Variants in SLC28A2 observed in about 807,000 individuals in gnomAD.
The protein encoded by SLC28A2 is sodium/nucleoside cotransporter 2.
SLC28A2 carries 69 observed loss-of-function variants against 72.9 expected under a neutral mutation model. The ratio of observed to expected loss-of-function variants is 0.95; its 90% CI spans 0.78 to 1.16. SLC28A2 has a LOEUF of 1.16. SLC28A2 is among the 50% of genes most tolerant of loss of function. The pLI, the probability that SLC28A2 is intolerant of heterozygous loss-of-function variation, is 0.00. For missense variants in SLC28A2, 745 were observed against 791.1 expected (o/e 0.94, Z 0.70); for synonymous variants, 296 against 294.1 (o/e 1.01, Z -0.07).
chr15:45,275,965 T>C lies in SLC28A2; in HGVS notation c.*452T>C, dbSNP rs1052957702. ...AAAAAAAAAAAAAAAAGATTCATTT[T>C]GGTTCGCTGTATCCCAATAACGAAA... On this transcript the variant is annotated 3_prime_UTR_variant, in exon 18 of 18. Coordinates refer to ENST00000347644, the MANE Select transcript of SLC28A2 (RefSeq NM_004212.4). The C allele has an allele frequency of 1.9e-4, 29 of 151,858 alleles. No individual in the cohort carries two copies. The highest frequency in any genetic ancestry group is 7.0e-4 in the African/African-American group (29 of 41,188). 9.4% of individuals were successfully genotyped at this position (151,858 alleles called of 1,614,324 possible).
chr15:45,267,328 C>A, intron 10 of SLC28A2, 127 bp from the exon 11 acceptor site: 1 of 997,466 alleles, frequency 1.0e-6, no homozygotes. Context: ...GAAGCTGTGG[C>A]TCACTTAACA....
chr15:45,265,154 C>A lies in SLC28A2; in HGVS notation c.768C>A (p.Val256=). 1 of 1,606,606 alleles carries A rather than the reference C, an allele frequency of 6.2e-7. No homozygotes were observed. Reference sequence around the variant, plus strand: ...TTGGGGATACACTGGTCAAGGATGTCTTTGCTTTTCAGGTGATACCTATTT... The same window carrying A: ...TTGGGGATACACTGGTCAAGGATGTATTTGCTTTTCAGGTGATACCTATTT... ...FVFGDTLVKD[V]FAFQALPIII... Residue 256 remains valine (V), a synonymous_variant, in exon 8 of 18, where the codon GTC becomes GTA. Transcript: ENST00000347644.
rs145610391 is a variant in SLC28A2, at chr15:45,257,603, T to G, written c.170+4083T>G. 3.3e-4 allele frequency among the ~76,000 whole-genome samples: 50 copies of G among 152,328 alleles called. 1 individual carries two copies. The East Asian group carries it at 9.4e-3, about 29-fold the overall frequency. On this transcript the variant is annotated intron_variant, in intron 3 of 17. Transcript: ENST00000347644. ...AATTCTGTTTTGTTTCTGTATTGAT[T>G]TTTAAGTATTTATTTCTTTTTCTTC... is the stretch of plus-strand genomic sequence containing the variant.
Position 45,268,361 on chromosome 15 carries a change from C to T in SLC28A2, c.1351C>T (p.Gln451Ter), listed in dbSNP as rs1050458994. The change falls in exon 13 of 18, where the codon CAG (glutamine) becomes TAG (stop). Residue 451 changes from glutamine to a stop codon, truncating the protein, a stop_gained. Coordinates refer to ENST00000347644, the MANE Select transcript of SLC28A2 (RefSeq NM_004212.4). LOFTEE classifies it high-confidence loss of function. ...CTGGCTGGGGGAATTGGTGGACATA[C>T]AGGGGCTCACTTTCCAGGTAAAGGA... Reference protein sequence around the residue: ...LSWLGELVDIQGLTFQVICSY... With the variant: ...LSWLGELVDI 3 of 1,593,488 alleles carry T rather than the reference C, an allele frequency of 1.9e-6. No individual in the cohort carries two copies. Among genetic ancestry groups the T allele is most frequent in the Admixed American group, 1.7e-5 (1 of 59,544 alleles).
At position 45,253,201 on chromosome 15, in the gene SLC28A2, TGAG is replaced by T. The variant is rs1899852881; in HGVS notation, c.-11_-9del. On this transcript the variant is annotated splice_region_variant and 5_prime_UTR_variant, in exon 2 of 18. Transcript: ENST00000347644. ...CTTGGCCCTGAATTTGTTTTTCAGT[TGAG>T]GAGAACAGGAGATGGAGAAAGCAAG... 1.9e-6 allele frequency: 3 copies of T among 1,603,362 alleles called. No individual in the cohort carries two copies. The highest frequency in any genetic ancestry group is 1.6e-4 in the Middle Eastern group (1 of 6,064).
rs755880149 is a variant in SLC28A2, at chr15:45,275,393, C to T, written c.1860-3C>T. The stretch of plus-strand genomic sequence containing the variant: ...TATGTACCTCTCTGGTTTTTCACTG[C>T]AGTACTTCTCTGAATGGCACCAACC... On this transcript the variant is annotated splice_polypyrimidine_tract_variant and splice_region_variant and intron_variant, in intron 17 of 17. Coordinates refer to ENST00000347644, the MANE Select transcript of SLC28A2 (RefSeq NM_004212.4). 1 of 1,577,718 alleles carries T rather than the reference C, an allele frequency of 6.3e-7. No homozygotes were observed. The highest frequency in any genetic ancestry group is 8.7e-7 in the Non-Finnish European group (1 of 1,147,224).
At chr15:45,268,097 T>C in intron 12 of SLC28A2, 113 bp from the exon 13 acceptor site, 1 of 1,000,128 alleles carries the variant, frequency 1.0e-6, no homozygotes, top group East Asian at 2.5e-5. Flanking sequence ...TGTCACCTTC[T>C]ACATTGGCCT....
At chr15:45,272,824 C>T (rs772107377) in intron 17 of SLC28A2, 40 bp downstream of exon 17, 1 of 1,034,464 alleles carries the variant, frequency 9.7e-7, no homozygotes, top group South Asian at 1.3e-5. Context: ...CACACACGGC[C>T]CTCAGGTCTC....
chr15:45,266,799 A>G (rs1205006288), intron 10 of SLC28A2, among the ~76,000 whole-genome samples: 1 of 152,214 alleles, frequency 6.6e-6, no homozygotes, highest in Non-Finnish European at 1.5e-5. Flanking sequence ...GAAATTATCC[A>G]TAATCAGCCT....
At chr15:45,256,689 G>A (rs991946901) in intron 3 of SLC28A2, among the ~76,000 whole-genome samples, 3 of 152,074 alleles carry the variant, frequency 2.0e-5, no homozygotes, top group African/African-American at 4.8e-5. Context: ...GATTATAGGC[G>A]TGAACCACTG....
In SLC28A2 at chr15:45,267,672, G is replaced by T; in HGVS notation, c.1075G>T (p.Ala359Ser). Residue 359 changes from alanine (A) to serine (S), a missense_variant, in exon 12 of 18, where the codon GCA (alanine) becomes TCA (serine). Transcript: ENST00000347644. ...TAAGTCTGGCGCCTCACAGGTTGATGCATCATCCCTGATTTCTGCCTCTGT... is the reference window on the plus strand; with the variant it reads ...TAAGTCTGGCGCCTCACAGGTTGATTCATCATCCCTGATTTCTGCCTCTGT... ...LGAFIAFGVDASSLISASVMA... is the reference protein window; with the variant it reads ...LGAFIAFGVDSSSLISASVMA... 1.2e-6 allele frequency: 2 copies of T among 1,614,102 alleles called. No homozygotes were observed. The highest frequency in any genetic ancestry group is 1.1e-5 in the South Asian group (1 of 91,082).
Position 45,252,280 on chromosome 15 carries a change from T to TA in SLC28A2, c.-17+4dup. ...AGGGAATCAATTCCACAAGCTGGGG[T>TA]AAGTAAAGGTGTTTGGGGGAGGGCA... On this transcript the variant is annotated splice_region_variant and intron_variant, in intron 1 of 17. Transcript: ENST00000347644. 2.2e-6 allele frequency: 1 copy of TA among 455,874 alleles called. No homozygotes were observed. Among genetic ancestry groups the TA allele is most frequent in the African/African-American group, 2.0e-5 (1 of 50,166 alleles). 28.2% of individuals were successfully genotyped at this position (455,874 alleles called of 1,614,324 possible).
intron 3 of SLC28A2, among the ~76,000 whole-genome samples, chr15:45,254,811 G>A (rs1899922640): frequency 6.6e-6 from 1 of 151,988 alleles, no homozygotes; most frequent in South Asian, 2.1e-4. Flanking sequence ...ATATTATCAT[G>A]TTTTATATAT....
At chr15:45,272,244 T>C (rs1187412058) in intron 15 of SLC28A2, 51 bp from the exon 16 acceptor site, 3 of 1,489,148 alleles carry the variant, frequency 2.0e-6, no homozygotes, top group Middle Eastern at 3.4e-4. Flanking sequence ...GGGATATACC[T>C]GATTGCCTTG....
chr15:45,267,370 G>A, intron 10 of SLC28A2, 85 bp from the exon 11 acceptor site: 4 of 1,430,614 alleles, frequency 2.8e-6, no homozygotes, highest in Non-Finnish European at 3.9e-6. Flanking sequence ...GTATCTAGTG[G>A]GTCCAGCCCC....
rs187388323 is a variant in SLC28A2, at chr15:45,275,392, G to A, written c.1860-4G>A. ...TTATGTACCTCTCTGGTTTTTCACT[G>A]CAGTACTTCTCTGAATGGCACCAAC... On this transcript the variant is annotated splice_polypyrimidine_tract_variant and splice_region_variant and intron_variant, in intron 17 of 17. Transcript: ENST00000347644. The A allele has an allele frequency of 2.3e-3, 3,556 of 1,577,434 alleles. 7 individuals are homozygous for A. Among genetic ancestry groups the A allele is most frequent in the Non-Finnish European group, 2.7e-3 (3,124 of 1,147,106 alleles).
chr15:45,261,981 A>C, intron 3 of SLC28A2, 34 bp from the exon 4 acceptor site: 4 of 1,311,898 alleles, frequency 3.0e-6, no homozygotes, highest in Non-Finnish European at 4.4e-6. Context: ...GGGATGGAGT[A>C]ATTCTTGTAT....
At chr15:45,259,055 T>C (rs747337101) in intron 3 of SLC28A2, among the ~76,000 whole-genome samples, 10 of 152,228 alleles carry the variant, frequency 6.6e-5, no homozygotes, top group African/African-American at 2.4e-4. Context: ...AAGGAACTTG[T>C]GCATCTTTTC....
chr15:45,265,777 G>C, intron 9 of SLC28A2, 114 bp downstream of exon 9: 1 of 786,420 alleles, frequency 1.3e-6, no homozygotes, highest in Non-Finnish European at 2.2e-6. Context: ...GGAAAAGGCA[G>C]GCCCTCTCAA....
Sources: gnomAD v4.1 joint callset for allele counts (sites outside exome capture counted in the v4.1 genomes callset) on GRCh38, gnomAD v4.1.1 for gene constraint, MANE v1.5 for transcripts, NCBI Gene and HGNC (gene_info 2026-07-23, HGNC 2026-07-21) for gene names.